Variants in PDE4D observed in about 807,000 individuals in gnomAD.
PDE4D encodes the protein 3',5'-cyclic-AMP phosphodiesterase 4D.
PDE4D carries 24 observed loss-of-function variants against 87.4 expected under a neutral mutation model. The observed-to-expected ratio is 0.27, with a 90% CI of 0.20 to 0.39. The LOEUF is 0.39. Among genes scored for constraint, PDE4D ranks in the 10% least tolerant of loss-of-function variants. The pLI is 1.00. For missense variants in PDE4D, 714 were observed against 1,041.0 expected (o/e 0.69, Z 4.32); for synonymous variants, 384 against 383.2 (o/e 1.00, Z -0.02).
At chr5:59,435,863 G>A (rs1218397634) in intron 1 of PDE4D, among the ~76,000 whole-genome samples, 1 of 152,156 alleles carries the variant, frequency 6.6e-6, no homozygotes, top group Non-Finnish European at 1.5e-5. Flanking sequence ...TTCATCATAT[G>A]CAATCAAACA....
chr5:59,530,057 C>A (rs953318928), intron 1 of PDE4D, among the ~76,000 whole-genome samples: 3 of 152,158 alleles, frequency 2.0e-5, no homozygotes, highest in African/African-American at 7.2e-5. Flanking sequence ...AGAATTTCTA[C>A]CAAGTCCAGG....
chr5:59,362,630 G>T (rs1326769822), intron 1 of PDE4D, among the ~76,000 whole-genome samples: 1 of 152,048 alleles, frequency 6.6e-6, no homozygotes, highest in East Asian at 1.9e-4. Flanking sequence ...AAAACTTATG[G>T]GATCCTAGAG....
chr5:59,162,078 C>G (rs1180881980), intron 5 of PDE4D, among the ~76,000 whole-genome samples: 1 of 152,190 alleles, frequency 6.6e-6, no homozygotes, highest in Non-Finnish European at 1.5e-5. Flanking sequence ...AATAACAATA[C>G]TTTGAACTTT....
chr5:60,204,778 C>T (rs1188655726), intron 1 of PDE4D, among the ~76,000 whole-genome samples: 1 of 152,112 alleles, frequency 6.6e-6, no homozygotes, highest in Non-Finnish European at 1.5e-5. Flanking sequence ...GACTTTTTAA[C>T]CCAGAATGCT....
At chr5:59,814,528 A>G (rs1008584820) in intron 1 of PDE4D, among the ~76,000 whole-genome samples, 3 of 152,206 alleles carry the variant, frequency 2.0e-5, no homozygotes, top group African/African-American at 7.2e-5. Context: ...ATGCAGGCAA[A>G]TGACACCAAC....
chr5:59,127,271 T>A (rs763453984), intron 5 of PDE4D, among the ~76,000 whole-genome samples: 9 of 152,218 alleles, frequency 5.9e-5, no homozygotes, highest in Admixed American at 1.3e-4. Context: ...AATCTCTTCA[T>A]CAACACACAT....
intron 1 of PDE4D, among the ~76,000 whole-genome samples, chr5:59,525,008 G>A (rs1203879153): frequency 6.6e-6 from 1 of 152,240 alleles, no homozygotes; most frequent in African/African-American, 2.4e-5. Context: ...GAGAACCTCT[G>A]CTGGGGCAGT....
At chr5:59,477,360 A>T (rs1158582989) in intron 1 of PDE4D, among the ~76,000 whole-genome samples, 1 of 135,288 alleles carries the variant, frequency 7.4e-6, no homozygotes, top group African/African-American at 2.9e-5. Flanking sequence ...TAATAAAAAA[A>T]AAAAAAAAAA....
intron 1 of PDE4D, among the ~76,000 whole-genome samples, chr5:59,443,399 A>G (rs1389671552): frequency 6.6e-6 from 1 of 152,226 alleles, no homozygotes; most frequent in African/African-American, 2.4e-5. Context: ...ACCTTCAAAG[A>G]TGGCATATGT....
At chr5:59,008,729 T>C (rs1297168917) in intron 6 of PDE4D, among the ~76,000 whole-genome samples, 1 of 152,050 alleles carries the variant, frequency 6.6e-6, no homozygotes, top group Non-Finnish European at 1.5e-5. Context: ...AAAAATGGTA[T>C]ACTGGACTTT....
intron 5 of PDE4D, among the ~76,000 whole-genome samples, chr5:59,056,329 T>C (rs1346535344): frequency 6.6e-6 from 1 of 152,118 alleles, no homozygotes; most frequent in Admixed American, 6.6e-5. Context: ...CTACAACCAC[T>C]GGAGCAAAGG....
intron 1 of PDE4D, among the ~76,000 whole-genome samples, chr5:59,232,895 A>G (rs1013745843): frequency 5.9e-5 from 9 of 152,082 alleles, no homozygotes; most frequent in Middle Eastern, 3.2e-3. Flanking sequence ...TGCCATTTGC[A>G]GCAACATGAA....
intron 1 of PDE4D, among the ~76,000 whole-genome samples, chr5:59,542,072 C>G (rs1310645164): frequency 6.6e-6 from 1 of 152,138 alleles, no homozygotes; most frequent in Non-Finnish European, 1.5e-5. Flanking sequence ...ATGCCGGGCC[C>G]TCTTATGCCC....
At position 59,232,811 on chromosome 5, in the gene PDE4D, C is replaced by CTT. The variant is rs1554104755; in HGVS notation, c.456-16844_456-16843insAA. ...AACAAACAAACCGATAGAGAAAATA[C>CTT]ATATATATATATATATACACACACA... On this transcript the variant is annotated intron_variant, in intron 1 of 14. Coordinates refer to ENST00000340635, the MANE Select transcript of PDE4D (RefSeq NM_001104631.2). Among the ~76,000 whole-genome samples the CTT allele has an allele frequency of 7.1e-3, 1,016 of 143,568 alleles. 9 individuals carry two copies. The highest frequency in any genetic ancestry group is 0.026 in the African/African-American group (981 of 37,780). The allele number at this position is 143,568 out of a possible 152,430, so 94.2% of individuals were successfully genotyped here. A position where few individuals can be genotyped will look rare whatever the true frequency, so the allele number is the denominator to read the frequency against.
chr5:59,991,924 C>T (rs1582079956), intron 2 of PDE4D, among the ~76,000 whole-genome samples: 1 of 152,204 alleles, frequency 6.6e-6, no homozygotes, highest in South Asian at 2.1e-4. Context: ...GAGGGTGTTA[C>T]CAAAGAAGAT....
At chr5:59,886,477 A>G (rs1034509699) in intron 1 of PDE4D, among the ~76,000 whole-genome samples, 3 of 152,140 alleles carry the variant, frequency 2.0e-5, no homozygotes, top group Admixed American at 6.5e-5. Context: ...AGATCGCGCC[A>G]TTCCACTCCA....
At chr5:59,658,510 T>C (rs1405598517) in intron 1 of PDE4D, among the ~76,000 whole-genome samples, 1 of 151,926 alleles carries the variant, frequency 6.6e-6, no homozygotes, top group Non-Finnish European at 1.5e-5. Context: ...GCCTCTGGAG[T>C]AGCTGGGACT....
At chr5:59,704,243 A>G (rs566659608) in intron 1 of PDE4D, among the ~76,000 whole-genome samples, 1 of 152,282 alleles carries the variant, frequency 6.6e-6, no homozygotes, top group African/African-American at 2.4e-5. Context: ...AAACACAAAT[A>G]TCCTACTTTA....
At chr5:59,537,048 C>T (rs970081873) in intron 1 of PDE4D, among the ~76,000 whole-genome samples, 1 of 151,978 alleles carries the variant, frequency 6.6e-6, no homozygotes, top group African/African-American at 2.4e-5. Context: ...TATGGTTGTG[C>T]GTGTATGTGC....
Sources: allele counts gnomAD v4.1 joint callset (sites outside exome capture counted in the v4.1 genomes callset), GRCh38; gene constraint gnomAD v4.1.1; transcripts MANE v1.5; gene names NCBI Gene and HGNC (gene_info 2026-07-23, HGNC 2026-07-21).